The following AFF2 variants were observed in gnomAD, a reference collection of about 807,000 sequenced individuals.
AFF2 encodes the protein AF4/FMR2 family member 2.
A neutral mutation model predicts 76.9 loss-of-function variants in AFF2; 14 were observed. The ratio of observed to expected loss-of-function variants is 0.18; its 90% CI spans 0.12 to 0.28. AFF2 has a LOEUF of 0.28. Ranked by LOEUF, AFF2 falls within the 10% of genes least tolerant of loss-of-function variation. The pLI is 1.00. For synonymous variants in AFF2, 398 were observed against 366.7 expected, an observed-to-expected ratio of 1.09 and a Z score of -0.98; for missense variants, 868 against 1,001.1, an observed-to-expected ratio of 0.87 and a Z score of 1.79.
At chrX:148,951,291 C>A (rs782184907) in intron 9 of AFF2, among the ~76,000 whole-genome samples, 50 of 111,021 alleles carry the variant, frequency 4.5e-4, no homozygotes, top group African/African-American at 1.5e-3. Context: ...TGTGTATCAC[C>A]TTAATGTATT....
chrX:148,733,117 G>T (rs1222674454), intron 3 of AFF2, among the ~76,000 whole-genome samples: 1 of 111,402 alleles, frequency 9.0e-6, no homozygotes, highest in Non-Finnish European at 1.9e-5. Flanking sequence ...TTGTCTGGAG[G>T]TAGGGTTCAC....
intron 12 of AFF2, among the ~76,000 whole-genome samples, chrX:148,959,990 A>T (rs1557287840): frequency 8.9e-6 from 1 of 112,398 alleles, no homozygotes; most frequent in Non-Finnish European, 1.9e-5. Flanking sequence ...TCCCCATCTT[A>T]TAAAAGAGAG....
chrX:148,861,321 C>A (rs1019057832), intron 7 of AFF2, among the ~76,000 whole-genome samples: 2 of 111,793 alleles, frequency 1.8e-5, no homozygotes, highest in Non-Finnish European at 3.8e-5. Context: ...ATTTTTCTAT[C>A]AATTATGTGT....
intron 3 of AFF2, among the ~76,000 whole-genome samples, chrX:148,712,260 C>A (rs782698604): frequency 2.7e-5 from 3 of 111,461 alleles, no homozygotes; most frequent in African/African-American, 6.5e-5. Flanking sequence ...ACCAAGAATT[C>A]TTGTGCCTTG....
chrX:148,870,270 A>G (rs781841441), intron 7 of AFF2, among the ~76,000 whole-genome samples: 19 of 112,256 alleles, frequency 1.7e-4, no homozygotes, highest in Non-Finnish European at 3.2e-4. Flanking sequence ...GTCATTTTCA[A>G]ATAACATTGT....
chrX:148,683,225 C>G (rs1283150077), intron 3 of AFF2, among the ~76,000 whole-genome samples: 3 of 111,695 alleles, frequency 2.7e-5, no homozygotes, highest in African/African-American at 9.8e-5. Context: ...GTGACTATGT[C>G]CTGAGGTTGT....
intron 19 of AFF2, among the ~76,000 whole-genome samples, chrX:148,985,285 C>CTTT (rs151339705): frequency 0.1 from 1,540 of 15,278 alleles, 641 homozygotes; most frequent in East Asian, 0.15. Context: ...TGTGCCTGGC[C>CTTT]TTTTTTTTTT....
At chrX:148,719,293 TTC>T in intron 3 of AFF2, 2 of 858,692 alleles carry the variant, frequency 2.3e-6, no homozygotes, top group Middle Eastern at 5.5e-4. Context: ...CAAGTAGCTT[TTC>T]TCTCTCTTTA....
At chrX:148,701,447 T>G (rs1557261879) in intron 3 of AFF2, among the ~76,000 whole-genome samples, 1 of 111,708 alleles carries the variant, frequency 9.0e-6, no homozygotes, top group East Asian at 2.8e-4. Flanking sequence ...TTCATTGCCA[T>G]GATAAATGAC....
intron 1 of AFF2, among the ~76,000 whole-genome samples, chrX:148,593,731 C>T (rs1299707632): frequency 1.8e-5 from 2 of 112,112 alleles, no homozygotes; most frequent in African/African-American, 6.5e-5. Context: ...TTCTTTGTAC[C>T]AGCTATTGTG....
intron 9 of AFF2, among the ~76,000 whole-genome samples, chrX:148,943,334 G>A (rs1392247329): frequency 1.8e-5 from 2 of 112,452 alleles, no homozygotes; most frequent in African/African-American, 3.2e-5. Context: ...AGCACACAGC[G>A]TTGGTGTCCT....
At chrX:148,946,495 C>T (rs2124335714) in intron 9 of AFF2, among the ~76,000 whole-genome samples, 1 of 113,008 alleles carries the variant, frequency 8.8e-6, no homozygotes, top group East Asian at 2.8e-4. Flanking sequence ...AAACAACACA[C>T]ATTTGTTATC....
chrX:148,528,082 A>G (rs782419726), intron 1 of AFF2, among the ~76,000 whole-genome samples: 2 of 112,421 alleles, frequency 1.8e-5, no homozygotes, highest in South Asian at 7.3e-4. Context: ...AACTGTTTTC[A>G]TATGCTTAGA....
intron 7 of AFF2, among the ~76,000 whole-genome samples, chrX:148,877,505 G>C (rs782491067): frequency 1.8e-5 from 2 of 112,794 alleles, no homozygotes; most frequent in African/African-American, 6.4e-5. Context: ...CAACAATGCT[G>C]TCAACATTTT....
rs186424563 is a variant in AFF2 at position 148,677,353 on chromosome X, G to T, written c.1041+14585G>T. 4.5e-4 allele frequency among the ~76,000 whole-genome samples: 50 copies of T among 111,608 alleles called. 1 individual carries two copies. Among genetic ancestry groups the T allele is most frequent in the Non-Finnish European group, 4.0e-4 (21 of 53,144 alleles). The stretch of plus-strand genomic sequence containing the variant: ...ATGATATTTGATTAATGTTTGCACA[G>T]TGCTTCTTGTTGTAAAGCTATGTAC... On this transcript the variant is annotated intron_variant, in intron 3 of 20. Transcript: ENST00000370460.
chrX:148,615,250 A>C (rs1603258723), intron 1 of AFF2, among the ~76,000 whole-genome samples: 1 of 112,017 alleles, frequency 8.9e-6, no homozygotes, highest in East Asian at 2.8e-4. Context: ...AAATGCAACA[A>C]TGCACTGAGA....
At chrX:148,775,123 T>C (rs1557268436) in intron 3 of AFF2, among the ~76,000 whole-genome samples, 1 of 112,019 alleles carries the variant, frequency 8.9e-6, no homozygotes, top group African/African-American at 3.2e-5. Flanking sequence ...TCAGGGGATA[T>C]ATTTGTTATA....
At chrX:148,912,036 C>G (rs938674379) in intron 9 of AFF2, among the ~76,000 whole-genome samples, 1 of 112,138 alleles carries the variant, frequency 8.9e-6, no homozygotes, top group Non-Finnish European at 1.9e-5. Flanking sequence ...TGTATATACA[C>G]CGTGGAATAC....
chrX:148,604,982 A>C (rs1487659254), intron 1 of AFF2, among the ~76,000 whole-genome samples: 1 of 112,175 alleles, frequency 8.9e-6, no homozygotes. Flanking sequence ...GAGAAAAATA[A>C]GTTTTCAAAA....
Sources: allele counts gnomAD v4.1 joint callset (sites outside exome capture counted in the v4.1 genomes callset), GRCh38; gene constraint gnomAD v4.1.1; transcripts MANE v1.5; gene names NCBI Gene and HGNC (gene_info 2026-07-23, HGNC 2026-07-21).